Variants in TTLL7 observed in about 807,000 individuals in gnomAD.
TTLL7 encodes tubulin tyrosine ligase like 7, also known as tubulin polyglutamylase TTLL7.
TTLL7 carries 53 observed loss-of-function variants against 120.2 expected under a neutral mutation model. The observed-to-expected ratio is 0.44, with a 90% confidence interval of 0.35 to 0.55. The LOEUF (loss-of-function observed/expected upper bound fraction) is 0.55, where lower values mean the gene tolerates loss of function less well. TTLL7 is among the 20% of genes least tolerant of loss of function. The pLI is 0.00. For synonymous variants in TTLL7, 353 were observed against 351.7 expected (o/e 1.00, Z -0.04); for missense variants, 803 against 1,054.7 (o/e 0.76, Z 3.31).
intron 1 of TTLL7, among the ~76,000 whole-genome samples, chr1:83,997,630 A>G (rs1653604696): frequency 6.6e-6 from 1 of 152,218 alleles, no homozygotes; most frequent in Admixed American, 6.5e-5. Flanking sequence ...CTGTTATGCA[A>G]TATCACAGAG....
intron 15 of TTLL7, among the ~76,000 whole-genome samples, chr1:83,908,063 A>G (rs1657355279): frequency 6.6e-6 from 1 of 152,116 alleles, no homozygotes; most frequent in Admixed American, 6.6e-5. Flanking sequence ...TCCATTGCCC[A>G]GAGGCTTAGA....
At chr1:83,885,303 T>G in intron 19 of TTLL7, among the ~76,000 whole-genome samples, 1 of 152,040 alleles carries the variant, frequency 6.6e-6, no homozygotes, top group East Asian at 1.9e-4. Flanking sequence ...ATATATTTAT[T>G]TCTTCATACT....
At position 83,975,525 on chromosome 1, in the gene TTLL7, C is replaced by T. The variant is rs7535904; in HGVS notation, c.-176-23138G>A. On this transcript the variant is annotated intron_variant, in intron 1 of 20. Transcript: ENST00000260505. ...AACAGATGTGTTATTTCATTTAGTC[C>T]TCACAGATTGCTTTATTAGCTCTAT... Among the ~76,000 whole-genome samples, 17 of 152,056 alleles carry T rather than the reference C, an allele frequency of 1.1e-4. No homozygotes were observed. The South Asian group carries it at 3.1e-3, about 28-fold the overall frequency.
At chr1:83,974,547 T>C (rs947431866) in intron 1 of TTLL7, among the ~76,000 whole-genome samples, 1 of 151,988 alleles carries the variant, frequency 6.6e-6, no homozygotes, top group Non-Finnish European at 1.5e-5. Context: ...ATGAAAAATA[T>C]GGATCTTGTT....
At position 83,884,028 on chromosome 1, in the gene TTLL7, T is replaced by TG. The variant is rs765553515; in HGVS notation, c.2370-893dup. Reference sequence around the variant, plus strand: ...TTCCTTGGTAAACTTCAATTTTGTGTGGGGGGTGTGTGTGTATGTGTGTGT... The same window carrying TG: ...TTCCTTGGTAAACTTCAATTTTGTGTGGGGGGGTGTGTGTGTATGTGTGTGT... On this transcript the variant is annotated intron_variant, in intron 19 of 20. Coordinates refer to ENST00000260505, the MANE Select transcript of TTLL7 (RefSeq NM_024686.6). 6.2e-4 allele frequency among the ~76,000 whole-genome samples: 94 copies of TG among 151,688 alleles called. 2 individuals are homozygous for TG. Among genetic ancestry groups the TG allele is most frequent in the Non-Finnish European group, 2.1e-4 (14 of 67,868 alleles).
chr1:83,932,813 G>T (rs1291324723), intron 9 of TTLL7, among the ~76,000 whole-genome samples: 1 of 152,126 alleles, frequency 6.6e-6, no homozygotes, highest in Non-Finnish European at 1.5e-5. Flanking sequence ...TCCAAAACAT[G>T]ATATTTAAGC....
At chr1:83,995,815 A>C (rs1008616213) in intron 1 of TTLL7, among the ~76,000 whole-genome samples, 1 of 152,196 alleles carries the variant, frequency 6.6e-6, no homozygotes, top group African/African-American at 2.4e-5. Flanking sequence ...GATGTTCATC[A>C]CAGTGCTATT....
chr1:83,936,420 T>G (rs1571239287), intron 8 of TTLL7, among the ~76,000 whole-genome samples: 1 of 152,152 alleles, frequency 6.6e-6, no homozygotes, highest in Non-Finnish European at 1.5e-5. Context: ...ACCAATGCAT[T>G]GGAATTATCA....
rs1652833077 is a variant in TTLL7 at position 83,865,112 on chromosome 1, T to C, written c.*4850A>G. 6.6e-6 allele frequency: 1 copy of C among 152,026 alleles called. No homozygotes were observed. The highest frequency in any genetic ancestry group is 1.9e-4 in the East Asian group (1 of 5,200). The allele number at this position is 152,026 out of a possible 1,614,324, so 9.4% of individuals were successfully genotyped here. On this transcript the variant is annotated 3_prime_UTR_variant, in exon 21 of 21. Transcript: ENST00000260505. ...CATACAGATATCACATGCTGGAGCATGACAATGCAACGCTAATTGCACACT... is the reference window on the plus strand; with the variant it reads ...CATACAGATATCACATGCTGGAGCACGACAATGCAACGCTAATTGCACACT...
chr1:83,880,914 C>G (rs1209922647), intron 20 of TTLL7, among the ~76,000 whole-genome samples: 1 of 152,022 alleles, frequency 6.6e-6, no homozygotes, highest in African/African-American at 2.4e-5. Context: ...TGGAACAGAA[C>G]AGAGCCCTCA....
intron 1 of TTLL7, among the ~76,000 whole-genome samples, chr1:83,990,279 C>T (rs528000031): frequency 4.8e-4 from 73 of 152,002 alleles, no homozygotes; most frequent in African/African-American, 1.6e-3. Context: ...GGGTTCACGC[C>T]ATTCTCCTGC....
At chr1:83,914,498 A>C (rs2100779422) in intron 14 of TTLL7, among the ~76,000 whole-genome samples, 1 of 151,734 alleles carries the variant, frequency 6.6e-6, no homozygotes, top group Middle Eastern at 3.4e-3. Context: ...CACCCAGCTA[A>C]TTTTTGTATT....
chr1:83,898,068 A>G (rs190577860), intron 18 of TTLL7, among the ~76,000 whole-genome samples: 1 of 151,950 alleles, frequency 6.6e-6, no homozygotes, highest in East Asian at 1.9e-4. Flanking sequence ...CTAATTCTGC[A>G]CTCCACAGGT....
chr1:83,939,937 T>C (rs1314845784), intron 7 of TTLL7, among the ~76,000 whole-genome samples: 1 of 152,182 alleles, frequency 6.6e-6, no homozygotes, highest in Non-Finnish European at 1.5e-5. Context: ...ACTTACCTTT[T>C]ACATAACCGT....
intron 18 of TTLL7, among the ~76,000 whole-genome samples, chr1:83,903,320 G>A (rs1046455907): frequency 6.6e-6 from 1 of 152,024 alleles, no homozygotes; most frequent in Admixed American, 6.6e-5. Context: ...CTCTGTATTT[G>A]TTCTTCCCTC....
chr1:83,885,137 T>G (rs925223081), intron 19 of TTLL7: 9 of 256,988 alleles, frequency 3.5e-5, no homozygotes, highest in Non-Finnish European at 5.5e-5. Context: ...TTAGTATACT[T>G]TGATTTAGCA....
At chr1:83,945,372 T>C (rs910186035) in intron 6 of TTLL7, among the ~76,000 whole-genome samples, 3 of 152,208 alleles carry the variant, frequency 2.0e-5, no homozygotes, top group Admixed American at 1.3e-4. Context: ...AGAATCATAT[T>C]ATATAATGAT....
intron 19 of TTLL7, among the ~76,000 whole-genome samples, chr1:83,889,513 A>G (rs1655264600): frequency 6.6e-6 from 1 of 152,142 alleles, no homozygotes; most frequent in Admixed American, 6.6e-5. Flanking sequence ...CTAGGTCCTT[A>G]GCACCTATCT....
Position 83,917,688 on chromosome 1 carries a change from T to C in TTLL7, c.1503A>G (p.Glu501=). ...GCTCCAGAAGATCCAAAATATCTTC[T>C]TCCTTCAAAAAATATTCTAATTAAA... The part of the protein sequence containing the change: ...ELNNPLKRMK[E]EDILDLLEQC... Residue 501 remains glutamate (E), a splice_region_variant and synonymous_variant, in exon 14 of 21, where the codon GAA becomes GAG. Transcript: ENST00000260505. The C allele has an allele frequency of 6.2e-7, 1 of 1,607,016 alleles. No homozygotes were observed. The highest frequency in any genetic ancestry group is 8.5e-7 in the Non-Finnish European group (1 of 1,174,380).
Sources: allele counts gnomAD v4.1 joint callset (sites outside exome capture counted in the v4.1 genomes callset), GRCh38; gene constraint gnomAD v4.1.1; transcripts MANE v1.5; gene names NCBI Gene and HGNC (gene_info 2026-07-23, HGNC 2026-07-21).